Variants in DCLK1 observed in about 807,000 individuals in gnomAD.
DCLK1 encodes the protein doublecortin like kinase 1.
DCLK1 carries 16 observed loss-of-function variants against 86.2 expected under a neutral mutation model. The ratio of observed to expected loss-of-function variants is 0.19; its 90% CI spans 0.13 to 0.28. DCLK1 has a LOEUF of 0.28. Among genes scored for constraint, DCLK1 ranks in the 10% least tolerant of loss-of-function variants. The probability of loss-of-function intolerance (pLI) is 1.00; values close to 1 mark genes in which losing one functional copy is unlikely to be tolerated. For synonymous variants in DCLK1, 369 were observed against 370.5 expected, an observed-to-expected ratio of 1.00 and a Z score of 0.05; for missense variants, 590 against 940.2, an observed-to-expected ratio of 0.63 and a Z score of 4.87.
intron 3 of DCLK1, among the ~76,000 whole-genome samples, chr13:36,031,045 C>T (rs1273703101): frequency 2.0e-5 from 3 of 152,182 alleles, no homozygotes; most frequent in African/African-American, 4.8e-5. Flanking sequence ...TGACACAAAA[C>T]AGTCCTCACT....
intron 3 of DCLK1, among the ~76,000 whole-genome samples, chr13:36,011,582 GT>G (rs1369994322): frequency 1.3e-5 from 2 of 150,498 alleles, no homozygotes; most frequent in Non-Finnish European, 3.0e-5. Context: ...TTGCACTGTG[GT>G]CTGAGAGATA....
chr13:36,023,668 C>T (rs1188582074), intron 3 of DCLK1, among the ~76,000 whole-genome samples: 2 of 151,916 alleles, frequency 1.3e-5, no homozygotes, highest in Non-Finnish European at 2.9e-5. Context: ...GGAAAAAAAC[C>T]CACTTGAGCA....
chr13:36,075,900 C>T (rs1884191279), intron 3 of DCLK1, among the ~76,000 whole-genome samples: 1 of 152,096 alleles, frequency 6.6e-6, no homozygotes, highest in Non-Finnish European at 1.5e-5. Context: ...TGGCACATGC[C>T]TGTAGTCCCA....
intron 3 of DCLK1, among the ~76,000 whole-genome samples, chr13:35,972,241 T>G (rs370613495): frequency 2.6e-5 from 4 of 152,150 alleles, no homozygotes; most frequent in African/African-American, 7.2e-5. Flanking sequence ...TCATGTAGAT[T>G]CTTAATCAAC....
At chr13:35,999,303 C>G (rs185044595) in intron 3 of DCLK1, among the ~76,000 whole-genome samples, 18 of 152,016 alleles carry the variant, frequency 1.2e-4, no homozygotes, top group Non-Finnish European at 1.8e-4. Context: ...CACAATTACA[C>G]TTTTTCTGAA....
intron 1 of DCLK1, among the ~76,000 whole-genome samples, chr13:36,128,518 C>A (rs145505254): frequency 6.6e-6 from 1 of 152,226 alleles, no homozygotes; most frequent in African/African-American, 2.4e-5. Flanking sequence ...CTGATCCAGA[C>A]CTCGTCTGCA....
rs919287872 is a variant in DCLK1 at position 35,822,581 on chromosome 13, G to T, written c.1554+148C>A. On this transcript the variant is annotated intron_variant, in intron 11 of 16. Coordinates refer to ENST00000360631, the MANE Select transcript of DCLK1 (RefSeq NM_001330071.2). The stretch of plus-strand genomic sequence containing the variant: ...TAACTCATCTAGATCAACCTAAAAG[G>T]CTAGTTTCCAACTAGCTCCTGAAGG... 3 of 1,094,186 alleles carry T rather than the reference G, an allele frequency of 2.7e-6. No individual in the cohort carries two copies. The Admixed American group carries it at 7.1e-5, about 26-fold the overall frequency. 67.8% of individuals were successfully genotyped at this position (1,094,186 alleles called of 1,614,324 possible).
intron 2 of DCLK1, among the ~76,000 whole-genome samples, chr13:36,115,248 A>T (rs945888512): frequency 2.0e-4 from 30 of 152,218 alleles, no homozygotes; most frequent in African/African-American, 7.0e-4. Flanking sequence ...ACTTCCTCTT[A>T]CATACACTAA....
chr13:35,827,853 C>T, intron 9 of DCLK1, 99 bp from the exon 10 acceptor site: 2 of 1,436,950 alleles, frequency 1.4e-6, no homozygotes, highest in East Asian at 4.6e-5. Context: ...AAGAGAGATG[C>T]ATTTTGGTAA....
At chr13:36,006,353 C>T (rs1880956702) in intron 3 of DCLK1, among the ~76,000 whole-genome samples, 1 of 152,178 alleles carries the variant, frequency 6.6e-6, no homozygotes, top group Non-Finnish European at 1.5e-5. Context: ...GTGAGAACCT[C>T]TGGTTTAAAC....
chr13:35,980,073 C>T (rs541906543), intron 3 of DCLK1, among the ~76,000 whole-genome samples: 17 of 152,296 alleles, frequency 1.1e-4, no homozygotes, highest in South Asian at 8.3e-4. Flanking sequence ...AGCAGTGCTA[C>T]GAACATTCAC....
Position 35,825,852 on chromosome 13 carries a change from G to C in DCLK1, c.1407+1783C>G, listed in dbSNP as rs112717404. ...TTTGAGACAGAGTTTCGCTCTTTTT[G>C]CCCAGGCTAGAGTGCAATGGCGCGA... On this transcript the variant is annotated intron_variant, in intron 10 of 16. Coordinates refer to ENST00000360631, the MANE Select transcript of DCLK1 (RefSeq NM_001330071.2). 3.8e-3 allele frequency among the ~76,000 whole-genome samples: 553 copies of C among 147,258 alleles called. 2 individuals carry two copies. The highest frequency in any genetic ancestry group is 0.013 in the African/African-American group (518 of 39,954).
At chr13:35,928,995 T>A (rs1247003095) in intron 4 of DCLK1, among the ~76,000 whole-genome samples, 1 of 152,126 alleles carries the variant, frequency 6.6e-6, no homozygotes, top group African/African-American at 2.4e-5. Flanking sequence ...AGTGGCATGA[T>A]CTCAGCTCAC....
chr13:35,932,090 T>C (rs947488124), intron 4 of DCLK1, among the ~76,000 whole-genome samples: 3 of 152,178 alleles, frequency 2.0e-5, no homozygotes, highest in Non-Finnish European at 2.9e-5. Flanking sequence ...TTAGAATCAG[T>C]GGACTCCATA....
chr13:35,796,162 C>T (rs1222898163), intron 15 of DCLK1, among the ~76,000 whole-genome samples: 1 of 152,152 alleles, frequency 6.6e-6, no homozygotes, highest in Admixed American at 6.5e-5. Context: ...GGGTGCTCTA[C>T]TGGCCTCACC....
chr13:35,835,487 T>C (rs1869298635), intron 8 of DCLK1, among the ~76,000 whole-genome samples: 1 of 152,206 alleles, frequency 6.6e-6, no homozygotes, highest in African/African-American at 2.4e-5. Flanking sequence ...CCAGCTAACG[T>C]CCTCCATTAG....
chr13:35,812,378 C>A (rs1332132680), intron 11 of DCLK1, among the ~76,000 whole-genome samples: 1 of 152,192 alleles, frequency 6.6e-6, no homozygotes, highest in Non-Finnish European at 1.5e-5. Flanking sequence ...AATACTTGAT[C>A]CAGCAAGCCG....
chr13:36,002,441 G>A (rs1448719102), intron 3 of DCLK1, among the ~76,000 whole-genome samples: 5 of 152,206 alleles, frequency 3.3e-5, no homozygotes, highest in African/African-American at 9.6e-5. Context: ...ATCCTTCAAC[G>A]TTAAATAACA....
chr13:36,111,130 G>A (rs534048338), intron 3 of DCLK1, among the ~76,000 whole-genome samples: 21 of 152,016 alleles, frequency 1.4e-4, no homozygotes, highest in Admixed American at 6.5e-4. Context: ...CACCGTGCCC[G>A]GCCCTAATCA....
Sources: allele counts gnomAD v4.1 joint callset (sites outside exome capture counted in the v4.1 genomes callset), GRCh38; gene constraint gnomAD v4.1.1; transcripts MANE v1.5; gene names NCBI Gene and HGNC (gene_info 2026-07-23, HGNC 2026-07-21).